TJP3: variants seen among roughly 807,000 people sequenced by gnomAD.
TJP3 encodes tight junction protein 3.
TJP3 carries 85 observed loss-of-function variants against 104.2 expected under a neutral mutation model. That is an observed-to-expected ratio of 0.82 (90% CI 0.68 to 0.98). TJP3 has a LOEUF of 0.98. TJP3 is among the 50% of genes least tolerant of loss of function. The pLI is 0.00. For synonymous variants in TJP3, 550 were observed against 550.6 expected (o/e 1.00, Z 0.02); for missense variants, 1,367 against 1,322.8 (o/e 1.03, Z -0.52).
At chr19:3,712,744 T>C (rs1024649043) in intron 1 of TJP3, among the ~76,000 whole-genome samples, 5 of 151,452 alleles carry the variant, frequency 3.3e-5, no homozygotes, top group Non-Finnish European at 5.9e-5. Context: ...AGCCCAGCAG[T>C]TCAAGACAGG....
chr19:3,731,691 A>C (rs1172665411), intron 5 of TJP3, among the ~76,000 whole-genome samples: 1 of 152,164 alleles, frequency 6.6e-6, no homozygotes, highest in Non-Finnish European at 1.5e-5. Flanking sequence ...TATGAGCAAT[A>C]GAATGCCCTT....
In TJP3 at chr19:3,716,918, C is replaced by A. The variant is rs1178454866; in HGVS notation, c.-10+8357C>A. Among the ~76,000 whole-genome samples, 75 of 142,958 alleles carry A rather than the reference C, an allele frequency of 5.2e-4. 2 individuals carry two copies. Among genetic ancestry groups the A allele is most frequent in the African/African-American group, 1.9e-3 (75 of 40,432 alleles). The allele number at this position is 142,958 out of a possible 152,430, so 93.8% of individuals were successfully genotyped here. On this transcript the variant is annotated intron_variant, in intron 1 of 20. Coordinates refer to ENST00000541714, the MANE Select transcript of TJP3 (RefSeq NM_001267560.2). ...GGTTCAAGTGATTCTCCTGCCTCAG[C>A]CTCCCGAGTACCTGGGATTACAGGC...
At chr19:3,720,725 C>T (rs2036533127) in intron 1 of TJP3, among the ~76,000 whole-genome samples, 1 of 151,806 alleles carries the variant, frequency 6.6e-6, no homozygotes, top group Admixed American at 6.6e-5. Flanking sequence ...CTAGGTCTAA[C>T]CTTAGGAATC....
At position 3,733,029 on chromosome 19, in the gene TJP3, T is replaced by TTTTTCTTTTC. The variant is rs60518145; in HGVS notation, c.718-715_718-706dup. ...TTTTCTCTTTTCTTTTCTCTTCTCT[T>TTTTTCTTTTC]TTTTCTTTTCTTTTCTTTCTTTTTG... On this transcript the variant is annotated intron_variant, in intron 6 of 20. Transcript: ENST00000541714. Among the ~76,000 whole-genome samples the TTTTTCTTTTC allele has an allele frequency of 8.9e-3, 1,335 of 150,006 alleles. 14 individuals are homozygous for TTTTTCTTTTC. Among genetic ancestry groups the TTTTTCTTTTC allele is most frequent in the African/African-American group, 0.031 (1,258 of 40,854 alleles).
At chr19:3,734,562 T>C (rs1317553770) in intron 8 of TJP3, 127 bp downstream of exon 8, 2 of 811,248 alleles carry the variant, frequency 2.5e-6, no homozygotes, top group Non-Finnish European at 3.8e-6. Context: ...TTCTAGCATG[T>C]GCCTCAAAAT....
Position 3,721,915 on chromosome 19 carries a change from G to C in TJP3, c.-9-6509G>C, listed in dbSNP as rs2036545816. 4 of 1,183,938 alleles carry C rather than the reference G, an allele frequency of 3.4e-6. No homozygotes were observed. In the East Asian group the frequency reaches 1.3e-4, roughly 38 times the overall value. 73.3% of individuals were successfully genotyped at this position (1,183,938 alleles called of 1,614,324 possible). The stretch of plus-strand genomic sequence containing the variant: ...ACCATGGCGGTGAGATTCCAGGCGA[G>C]TAACCCTCCAAGGGTGGCAGGGGGA... On this transcript the variant is annotated intron_variant, in intron 1 of 20. Transcript: ENST00000541714.
chr19:3,747,878 G>T lies in TJP3; in HGVS notation c.2407G>T (p.Val803Phe), dbSNP rs766559592. Residue 803 changes from valine (V) to phenylalanine (F), a missense_variant, in exon 19 of 21, where the codon GTT becomes TTT. Val to Phe is a conservative substitution (Grantham distance 50). Transcript: ENST00000541714. ...CGCTGACCTCAGCTGCGACAGCCGC[G>T]TTAACAGCGACTACGAGACGGACGG... ...SSADLSCDSR[V>F]NSDYETDGEG... The T allele has an allele frequency of 1.9e-6, 3 of 1,612,966 alleles. No individual in the cohort carries two copies. Among genetic ancestry groups the T allele is most frequent in the Non-Finnish European group, 2.5e-6 (3 of 1,179,936 alleles).
At chr19:3,733,701 C>T in intron 6 of TJP3, 52 bp from the exon 7 acceptor site, 1 of 1,603,080 alleles carries the variant, frequency 6.2e-7, no homozygotes, top group East Asian at 2.2e-5. Flanking sequence ...TTTCTACTGT[C>T]TCCCATCTCT....
chr19:3,748,179 C>G, intron 19 of TJP3, 98 bp downstream of exon 19: 1 of 1,410,048 alleles, frequency 7.1e-7, no homozygotes, highest in African/African-American at 1.4e-5. Context: ...ACCAGGACGT[C>G]AACAAACACG....
In TJP3 at chr19:3,718,212, AGTGTGTGTGT is replaced by A. The variant is rs71339057; in HGVS notation, c.-10+9686_-10+9695del. Among the ~76,000 whole-genome samples, 61 of 48,262 alleles carry A rather than the reference AGTGTGTGTGT, an allele frequency of 1.3e-3. 1 individual carries two copies. Among genetic ancestry groups the A allele is most frequent in the African/African-American group, 4.1e-3 (49 of 12,054 alleles). The allele number at this position is 48,262 out of a possible 152,430, so 31.7% of individuals were successfully genotyped here. A position where few individuals can be genotyped will look rare whatever the true frequency, so the allele number is the denominator to read the frequency against. ...AACTCAAAAAAAAAAAAAAAAAAAA[AGTGTGTGTGT>A]GTGTGTGTGTGTGTGTGTGTGTGTG... On this transcript the variant is annotated intron_variant, in intron 1 of 20. Transcript: ENST00000541714.
chr19:3,725,172 G>C (rs2036584348), intron 1 of TJP3, among the ~76,000 whole-genome samples: 1 of 152,202 alleles, frequency 6.6e-6, no homozygotes, highest in South Asian at 2.1e-4. Context: ...TGAAGCAGGA[G>C]GATCCCTTGG....
chr19:3,722,010 T>C (rs1345450934), intron 1 of TJP3: 5 of 619,972 alleles, frequency 8.1e-6, no homozygotes, highest in Non-Finnish European at 1.2e-5. Flanking sequence ...CCAGAACGCC[T>C]ACCTACATAA....
intron 1 of TJP3, among the ~76,000 whole-genome samples, chr19:3,719,863 G>A (rs1331349671): frequency 6.6e-6 from 1 of 152,090 alleles, no homozygotes; most frequent in African/African-American, 2.4e-5. Context: ...CATTTTGGCT[G>A]CTCCCACTTC....
chr19:3,741,630 G>GAAAA (rs55944843), intron 14 of TJP3, among the ~76,000 whole-genome samples: 8 of 131,078 alleles, frequency 6.1e-5, no homozygotes, highest in South Asian at 2.4e-4. Context: ...GTCTTCAAAA[G>GAAAA]AAAAAAAAAA....
Position 3,746,643 on chromosome 19 carries a change from C to T in TJP3, c.2169C>T (p.Arg723=). ...CTGCCTCCCGCCGCAGCACCCGTCG[C>T]CTCTACGCACAAGCCCAGAAGCTGC... is the stretch of plus-strand genomic sequence containing the variant. The part of the protein sequence containing the change: ...LAPASRRSTR[R]LYAQAQKLRK... Residue 723 remains arginine, a synonymous_variant, in exon 17 of 21, where the codon CGC becomes CGT. Transcript: ENST00000541714. This position sits in a 1 kb window ranked among gnomAD's most constrained non-coding sequence, Gnocchi z 4.1. 1 of 1,613,438 alleles carries T rather than the reference C, an allele frequency of 6.2e-7. No individual in the cohort carries two copies. Among genetic ancestry groups the T allele is most frequent in the Non-Finnish European group, 8.5e-7 (1 of 1,179,832 alleles).
chr19:3,719,104 A>C (rs994610954), intron 1 of TJP3, among the ~76,000 whole-genome samples: 4 of 151,972 alleles, frequency 2.6e-5, no homozygotes, highest in African/African-American at 9.7e-5. Flanking sequence ...GAATGGTGTG[A>C]ACCCCGCAGG....
At position 3,730,542 on chromosome 19, in the gene TJP3, G is replaced by A. The variant is rs1335252901; in HGVS notation, c.449G>A (p.Arg150Lys). The A allele has an allele frequency of 1.9e-6, 3 of 1,602,448 alleles. No homozygotes were observed. The highest frequency in any genetic ancestry group is 2.2e-5 in the South Asian group (2 of 90,604). ...RSWDERSRRP[R>K]PGRRGRAGSH... is the part of the protein sequence containing the mutation. The stretch of plus-strand genomic sequence containing the variant: ...TGGGACGAGCGCTCCCGCCGGCCGA[G>A]GCCTGGTCGCCGGGGCCGGGCCGGC... The change falls in exon 5 of 21, where the codon AGG becomes AAG. Residue 150 changes from arginine to lysine, a missense_variant. Coordinates refer to ENST00000541714, the MANE Select transcript of TJP3 (RefSeq NM_001267560.2). The surrounding 1 kb of genome is among the most constrained non-coding windows in gnomAD (Gnocchi z 7.3).
At position 3,750,566 on chromosome 19, in the gene TJP3, A is replaced by T; in HGVS notation, c.2658-16A>T. The T allele has an allele frequency of 6.3e-7, 1 of 1,583,072 alleles. No individual in the cohort carries two copies. The highest frequency in any genetic ancestry group is 1.1e-5 in the South Asian group (1 of 87,612). On this transcript the variant is annotated splice_polypyrimidine_tract_variant and intron_variant, in intron 20 of 20. Transcript: ENST00000541714. ...CCTTCCCACCCACAGCATCTATTCTATTTCCTGATCCCCAGAACCTATGAA... is the reference window on the plus strand; with the variant it reads ...CCTTCCCACCCACAGCATCTATTCTTTTTCCTGATCCCCAGAACCTATGAA...
chr19:3,728,772 G>C, intron 3 of TJP3, 59 bp downstream of exon 3: 1 of 1,562,190 alleles, frequency 6.4e-7, no homozygotes, highest in Admixed American at 1.8e-5. Context: ...GAGAAACCAG[G>C]CCAGGCACAG....
Sources: gnomAD v4.1 joint callset for allele counts (sites outside exome capture counted in the v4.1 genomes callset) on GRCh38, gnomAD v4.1.1 for gene constraint, Gnocchi (gnomAD v3.1) non-coding constraint, MANE v1.5 for transcripts, NCBI Gene and HGNC (gene_info 2026-07-23, HGNC 2026-07-21) for gene names.